NKAIN3: variants seen among roughly 807,000 people sequenced by gnomAD.
NKAIN3 encodes sodium/potassium transporting ATPase interacting 3.
A neutral mutation model predicts 30.2 loss-of-function variants in NKAIN3; 25 were observed. That is an observed-to-expected ratio of 0.83 (90% confidence interval 0.60 to 1.16). The LOEUF (loss-of-function observed/expected upper bound fraction) is 1.16, where lower values mean the gene tolerates loss of function less well. Ranked by LOEUF, NKAIN3 falls within the 50% of genes most tolerant of loss-of-function variation. The pLI is 0.00. For synonymous variants in NKAIN3, 91 were observed against 89.6 expected (o/e 1.02, Z -0.09); for missense variants, 225 against 254.1 (o/e 0.89, Z 0.78).
chr8:62,940,652 T>A (rs1347156273), intron 5 of NKAIN3, among the ~76,000 whole-genome samples: 1 of 152,086 alleles, frequency 6.6e-6, no homozygotes, highest in East Asian at 1.9e-4. Flanking sequence ...AATTAAATAA[T>A]CTGCTCCTGA....
At chr8:62,719,143 T>TCCC (rs1450663978) in intron 3 of NKAIN3, among the ~76,000 whole-genome samples, 1 of 152,198 alleles carries the variant, frequency 6.6e-6, no homozygotes, top group Non-Finnish European at 1.5e-5. Context: ...GCTGAGTTCA[T>TCCC]AGTAAACTCT....
chr8:62,689,550 G>T (rs886674728), intron 3 of NKAIN3, among the ~76,000 whole-genome samples: 2 of 152,120 alleles, frequency 1.3e-5, no homozygotes, highest in Non-Finnish European at 2.9e-5. Context: ...AACCAAAGTT[G>T]TACTGATGTA....
chr8:62,817,638 C>T (rs1818724771), intron 4 of NKAIN3, among the ~76,000 whole-genome samples: 1 of 152,052 alleles, frequency 6.6e-6, no homozygotes, highest in Admixed American at 6.6e-5. Context: ...CTTGTTCTAT[C>T]CCCCCAGAAC....
Position 62,642,073 on chromosome 8 carries a change from C to CT in NKAIN3, c.273+52284dup, listed in dbSNP as rs527941277. Among the ~76,000 whole-genome samples, 942 of 151,956 alleles carry CT rather than the reference C, an allele frequency of 6.2e-3. 8 individuals are homozygous for CT. The highest frequency in any genetic ancestry group is 0.021 in the African/African-American group (858 of 41,458). Reference sequence around the variant, plus strand: ...CCGCACTGCACTCCTGGGAAAAATGCTTTTTAAAAAAATAAAGATAATACA... The same window carrying CT: ...CCGCACTGCACTCCTGGGAAAAATGCTTTTTTAAAAAAATAAAGATAATACA... On this transcript the variant is annotated intron_variant, in intron 3 of 6. Coordinates refer to ENST00000623646, the MANE Select transcript of NKAIN3 (RefSeq NM_001304533.3).
chr8:62,791,158 G>T (rs1245907429), intron 4 of NKAIN3, among the ~76,000 whole-genome samples: 1 of 152,026 alleles, frequency 6.6e-6, no homozygotes, highest in Non-Finnish European at 1.5e-5. Flanking sequence ...CAAAGGATGA[G>T]AATACAGTTT....
chr8:62,330,498 C>T (rs1193283523), intron 1 of NKAIN3, among the ~76,000 whole-genome samples: 3 of 151,804 alleles, frequency 2.0e-5, no homozygotes, highest in Non-Finnish European at 2.9e-5. Context: ...CATAATTTGG[C>T]ATTTTTGTCT....
At chr8:62,330,720 T>C (rs1205180254) in intron 1 of NKAIN3, among the ~76,000 whole-genome samples, 1 of 151,970 alleles carries the variant, frequency 6.6e-6, no homozygotes, top group African/African-American at 2.4e-5. Context: ...AATTAGAGTG[T>C]CCCTTCCCTT....
chr8:62,872,874 G>A (rs754643540), intron 4 of NKAIN3, among the ~76,000 whole-genome samples: 10 of 152,074 alleles, frequency 6.6e-5, no homozygotes, highest in Non-Finnish European at 1.2e-4. Flanking sequence ...CACTAAATAC[G>A]GAAAGGAAAA....
rs192581792 is a variant in NKAIN3, at chr8:62,614,222, A to G, written c.273+24428A>G. ...TATTGTGATCTGAGCTGATGGCATC[A>G]CAAGCCCAGTAACTCTGTGTTTCTT... On this transcript the variant is annotated intron_variant, in intron 3 of 6. Coordinates refer to ENST00000623646, the MANE Select transcript of NKAIN3 (RefSeq NM_001304533.3). Among the ~76,000 whole-genome samples, 293 of 152,244 alleles carry G rather than the reference A, an allele frequency of 1.9e-3. 6 individuals carry two copies. Among genetic ancestry groups the G allele is most frequent in the Non-Finnish European group, 3.1e-4 (21 of 68,004 alleles).
chr8:62,536,579 GA>G (rs1808671215), intron 1 of NKAIN3, among the ~76,000 whole-genome samples: 1 of 151,916 alleles, frequency 6.6e-6, no homozygotes, highest in Non-Finnish European at 1.5e-5. Context: ...TGGCTGTGGG[GA>G]CACATCTAGT....
At chr8:62,539,321 T>A (rs1475567249) in intron 1 of NKAIN3, among the ~76,000 whole-genome samples, 2 of 152,140 alleles carry the variant, frequency 1.3e-5, no homozygotes, top group Non-Finnish European at 2.9e-5. Flanking sequence ...AATGCAAACA[T>A]CCAAAACAAT....
In NKAIN3 at chr8:62,966,589, A is replaced by T. The variant is rs561004956; in HGVS notation, c.*1182A>T. On this transcript the variant is annotated 3_prime_UTR_variant, in exon 7 of 7. Transcript: ENST00000623646. Reference sequence around the variant, plus strand: ...ATTCCCTTATGCCCTCTTTCAGGCAATGCCTACATTCTCACAGACAACCAC... The same window carrying T: ...ATTCCCTTATGCCCTCTTTCAGGCATTGCCTACATTCTCACAGACAACCAC... The T allele has an allele frequency of 3.5e-4, 55 of 157,348 alleles. No homozygotes were observed. In the South Asian group the frequency reaches 6.3e-3, roughly 18 times the overall value. The allele number at this position is 157,348 out of a possible 1,614,324, so 9.7% of individuals were successfully genotyped here.
chr8:62,259,875 G>A (rs984809858), intron 1 of NKAIN3, among the ~76,000 whole-genome samples: 3 of 152,160 alleles, frequency 2.0e-5, no homozygotes, highest in African/African-American at 4.8e-5. Flanking sequence ...AAAAGGAGAC[G>A]AAGGTGAAGG....
At chr8:62,316,847 C>T (rs922106586) in intron 1 of NKAIN3, among the ~76,000 whole-genome samples, 2 of 152,006 alleles carry the variant, frequency 1.3e-5, no homozygotes, top group South Asian at 2.1e-4. Context: ...CCTGAGGAAT[C>T]GCCACACTAA....
downstream of NKAIN3, among the ~76,000 whole-genome samples, chr8:62,985,368 C>T (rs1824181430): frequency 6.6e-6 from 1 of 152,172 alleles, no homozygotes; most frequent in Non-Finnish European, 1.5e-5. Flanking sequence ...AAGTAGGTCT[C>T]AGGTACCAAT....
downstream of NKAIN3, among the ~76,000 whole-genome samples, chr8:62,987,185 A>G (rs143268627): frequency 5.1e-3 from 782 of 152,222 alleles, 9 homozygotes; most frequent in African/African-American, 0.018. Context: ...TCAGGAGTTT[A>G]AGATTAACCT....
At chr8:62,519,800 G>A (rs1808100810) in intron 1 of NKAIN3, among the ~76,000 whole-genome samples, 1 of 152,038 alleles carries the variant, frequency 6.6e-6, no homozygotes, top group Non-Finnish European at 1.5e-5. Context: ...TTTTCAGATT[G>A]CCGGGGCATC....
intron 1 of NKAIN3, among the ~76,000 whole-genome samples, chr8:62,335,271 C>T (rs1450601704): frequency 1.3e-5 from 2 of 151,468 alleles, no homozygotes; most frequent in Non-Finnish European, 2.9e-5. Flanking sequence ...ATTAAAAATA[C>T]AAAAATTAGC....
chr8:62,453,153 C>A (rs1805704666), intron 1 of NKAIN3, among the ~76,000 whole-genome samples: 1 of 151,864 alleles, frequency 6.6e-6, no homozygotes, highest in African/African-American at 2.4e-5. Flanking sequence ...GTATATAAAC[C>A]TTTAGTTCCA....
Sources: allele counts gnomAD v4.1 joint callset (sites outside exome capture counted in the v4.1 genomes callset), GRCh38; gene constraint gnomAD v4.1.1; transcripts MANE v1.5; gene names NCBI Gene and HGNC (gene_info 2026-07-23, HGNC 2026-07-21).